PPARGC1A: variants seen among roughly 807,000 people sequenced by gnomAD.
PPARGC1A encodes peroxisome proliferator-activated receptor gamma coactivator 1-alpha.
PPARGC1A carries 25 observed loss-of-function variants against 88.7 expected under a neutral mutation model. The ratio of observed to expected loss-of-function variants is 0.28; its 90% CI spans 0.21 to 0.39. The LOEUF (loss-of-function observed/expected upper bound fraction) is 0.39, where lower values mean the gene tolerates loss of function less well. Among genes scored for constraint, PPARGC1A ranks in the 10% least tolerant of loss-of-function variants. The pLI is 1.00. For synonymous variants in PPARGC1A, 363 were observed against 355.6 expected, an observed-to-expected ratio of 1.02 and a Z score of -0.24; for missense variants, 880 against 968.7, an observed-to-expected ratio of 0.91 and a Z score of 1.22.
At chr4:24,229,012 C>T in the PPARGC1A span, among the ~76,000 whole-genome samples, 14 of 152,106 alleles carry the variant, frequency 9.2e-5, no homozygotes, top group South Asian at 2.3e-3. Context: ...TGCTTTGGGA[C>T]GCAAGGTTTG....
chr4:23,796,072 T>C (rs1303953896), intron 12 of PPARGC1A, 147 bp from the exon 13 acceptor site: 2 of 665,946 alleles, frequency 3.0e-6, no homozygotes, highest in East Asian at 2.8e-5. Context: ...TGGATATATA[T>C]GGATATATAG....
the PPARGC1A span, among the ~76,000 whole-genome samples, chr4:24,433,952 C>T: frequency 6.6e-6 from 1 of 152,158 alleles, no homozygotes; most frequent in African/African-American, 2.4e-5. Context: ...GCCATAATGA[C>T]TGCTTTTCCC....
chr4:23,931,486 C>T, the PPARGC1A span, among the ~76,000 whole-genome samples: 3 of 151,580 alleles, frequency 2.0e-5, no homozygotes, highest in East Asian at 3.9e-4. Context: ...AAAGTTAAGG[C>T]ACATATTTTT....
chr4:24,287,634 G>GCGCGCACA, the PPARGC1A span, among the ~76,000 whole-genome samples: 1 of 142,052 alleles, frequency 7.0e-6, no homozygotes, highest in African/African-American at 2.6e-5. Flanking sequence ...AACACCACAT[G>GCGCGCACA]CACACACACA....
In PPARGC1A at chr4:23,814,246, TA is replaced by T; in HGVS notation, c.1236del (p.Asn412LysfsTer23). On this transcript the variant is annotated frameshift_variant, in exon 8 of 13. Transcript: ENST00000264867. LOFTEE classifies it high-confidence loss of function. The part of the protein sequence containing the change: ...QELQDSRQLE[N>X]KDVSSDWQGQ... ...CCCTGCCAATCAGAGGAGACATCTT[TA>T]TTTTCTAGTTGTCTAGAGTCTTGGA... is the stretch of plus-strand genomic sequence containing the variant. 3 of 1,614,072 alleles carry T rather than the reference TA, an allele frequency of 1.9e-6. No individual in the cohort carries two copies. Among genetic ancestry groups the T allele is most frequent in the Non-Finnish European group, 2.5e-6 (3 of 1,179,968 alleles).
the PPARGC1A span, among the ~76,000 whole-genome samples, chr4:24,390,072 T>A: frequency 1.5e-5 from 2 of 137,600 alleles, no homozygotes; most frequent in Non-Finnish European, 3.1e-5. Context: ...GTAACTTATT[T>A]TTTTTTCAGA....
the PPARGC1A span, among the ~76,000 whole-genome samples, chr4:24,134,397 C>G: frequency 3.3e-5 from 5 of 152,324 alleles, no homozygotes; most frequent in East Asian, 9.6e-4. Context: ...ACCCAGTCAT[C>G]ATTTCTTCAT....
the PPARGC1A span, among the ~76,000 whole-genome samples, chr4:24,437,437 G>C: frequency 6.6e-6 from 1 of 152,200 alleles, no homozygotes; most frequent in African/African-American, 2.4e-5. Flanking sequence ...GGCTGCCATA[G>C]GCTTGGTATC....
chr4:24,214,625 C>T, the PPARGC1A span, among the ~76,000 whole-genome samples: 344 of 152,276 alleles, frequency 2.3e-3, 3 homozygotes, highest in African/African-American at 7.6e-3. Flanking sequence ...CACTTGCTCT[C>T]TTGACTAGAG....
upstream of PPARGC1A, among the ~76,000 whole-genome samples, chr4:23,894,899 G>A (rs1553905192): frequency 6.6e-6 from 1 of 151,854 alleles, no homozygotes; most frequent in Non-Finnish European, 1.5e-5. Context: ...AATTATTCCA[G>A]GTTAATTTAT....
the PPARGC1A span, among the ~76,000 whole-genome samples, chr4:24,432,905 C>T: frequency 6.6e-6 from 1 of 152,206 alleles, no homozygotes. Context: ...GACACACCAG[C>T]CTCTACCAGG....
At chr4:24,179,136 A>G in the PPARGC1A span, among the ~76,000 whole-genome samples, 1 of 152,210 alleles carries the variant, frequency 6.6e-6, no homozygotes, top group Non-Finnish European at 1.5e-5. Flanking sequence ...GGTCTGATTT[A>G]CATGGCATAG....
the PPARGC1A span, among the ~76,000 whole-genome samples, chr4:24,424,411 G>A: frequency 2.6e-5 from 4 of 151,736 alleles, no homozygotes; most frequent in African/African-American, 7.3e-5. Context: ...GAGTAGCTGG[G>A]ACTACAGGCG....
the PPARGC1A span, among the ~76,000 whole-genome samples, chr4:24,133,191 GGGT>G: frequency 2.0e-4 from 31 of 152,120 alleles, no homozygotes; most frequent in African/African-American, 5.5e-4. Context: ...CCCCCCTGGG[GGGT>G]GGTGGTGGGG....
chr4:24,027,243 G>GTGTGCGTGCATATTTTTGCCTGT, the PPARGC1A span, among the ~76,000 whole-genome samples: 2 of 151,088 alleles, frequency 1.3e-5, no homozygotes, highest in Non-Finnish European at 2.9e-5. Flanking sequence ...GTGTCTGTGT[G>GTGTGCGTGCATATTTTTGCCTGT]TGTGCGTGCA....
chr4:24,142,615 AG>A, the PPARGC1A span, among the ~76,000 whole-genome samples: 2 of 152,012 alleles, frequency 1.3e-5, no homozygotes, highest in South Asian at 2.1e-4. Context: ...TGGAGGTTGT[AG>A]TGAGCAGAGA....
At chr4:24,375,628 G>A in the PPARGC1A span, among the ~76,000 whole-genome samples, 32 of 152,232 alleles carry the variant, frequency 2.1e-4, no homozygotes, top group Middle Eastern at 6.8e-3. Context: ...CAAGGCAGAC[G>A]ATAGAGCTTA....
chr4:23,870,501 T>C (rs1713069309), intron 2 of PPARGC1A, among the ~76,000 whole-genome samples: 1 of 152,218 alleles, frequency 6.6e-6, no homozygotes, highest in Non-Finnish European at 1.5e-5. Context: ...CCATTATCTT[T>C]TTACTGTCAC....
chr4:23,944,055 G>A, the PPARGC1A span, among the ~76,000 whole-genome samples: 6 of 151,968 alleles, frequency 3.9e-5, no homozygotes, highest in African/African-American at 1.2e-4. Context: ...AATAGAAAAA[G>A]GACATTATAG....
Sources: gnomAD v4.1 joint callset for allele counts (sites outside exome capture counted in the v4.1 genomes callset) on GRCh38, gnomAD v4.1.1 for gene constraint, MANE v1.5 for transcripts, NCBI Gene and HGNC (gene_info 2026-07-23, HGNC 2026-07-21) for gene names.